ZNF385B: variants seen among roughly 807,000 people sequenced by gnomAD.
ZNF385B encodes zinc finger protein 385B.
A neutral mutation model predicts 39.2 loss-of-function variants in ZNF385B; 23 were observed. The ratio of observed to expected loss-of-function variants is 0.59; its 90% CI spans 0.42 to 0.83. The LOEUF (loss-of-function observed/expected upper bound fraction) is 0.83, where lower values mean the gene tolerates loss of function less well. Among genes scored for constraint, ZNF385B ranks in the 40% least tolerant of loss-of-function variants. The pLI, the probability that ZNF385B is intolerant of heterozygous loss-of-function variation, is 0.00. For synonymous variants in ZNF385B, 205 were observed against 222.6 expected (o/e 0.92, Z 0.70); for missense variants, 552 against 598.9 (o/e 0.92, Z 0.82).
intron 3 of ZNF385B, among the ~76,000 whole-genome samples, chr2:179,702,043 A>C (rs145108674): frequency 6.1e-4 from 93 of 152,290 alleles, no homozygotes; most frequent in Non-Finnish European, 9.6e-4. Flanking sequence ...GCTTCAAAAG[A>C]CTTTTCACGT....
chr2:179,473,740 G>A (rs1002998049), intron 6 of ZNF385B, among the ~76,000 whole-genome samples: 2 of 151,946 alleles, frequency 1.3e-5, no homozygotes, highest in South Asian at 2.1e-4. Context: ...GTGTGTTCTC[G>A]TTGTTGAACT....
At chr2:179,734,485 A>G (rs919608858) in intron 3 of ZNF385B, among the ~76,000 whole-genome samples, 2 of 152,232 alleles carry the variant, frequency 1.3e-5, no homozygotes, top group African/African-American at 4.8e-5. Context: ...CTGACAGGTA[A>G]GTAAAATAGC....
chr2:179,448,981 T>G lies in ZNF385B; in HGVS notation c.716-2211A>C, dbSNP rs1025393260. ...AACATGTATAAAATTATATATTTTC[T>G]CTATGTTCCTATTTCTTTAAGAAAA... On this transcript the variant is annotated intron_variant, in intron 6 of 9. Transcript: ENST00000410066. Among the ~76,000 whole-genome samples the G allele has an allele frequency of 5.9e-5, 9 of 152,318 alleles. No individual in the cohort carries two copies. In the East Asian group the frequency reaches 1.7e-3, roughly 29 times the overall value.
chr2:179,518,683 A>C, intron 4 of ZNF385B, 45 bp from the exon 5 acceptor site: 1 of 1,258,978 alleles, frequency 7.9e-7, no homozygotes, highest in Non-Finnish European at 1.1e-6. Flanking sequence ...CTTCAAAGAA[A>C]AGACAACAGT....
At position 179,771,978 on chromosome 2, in the gene ZNF385B, CT is replaced by C. The variant is rs149822867; in HGVS notation, c.-154-1307del. ...GCAAGATCCTTGACTCAGAGGAGAA[CT>C]GTTGACACTTTCATCTGAAAATTTA... On this transcript the variant is annotated intron_variant, in intron 1 of 9. Transcript: ENST00000410066. Among the ~76,000 whole-genome samples, 22 of 152,270 alleles carry C rather than the reference CT, an allele frequency of 1.4e-4. No homozygotes were observed. The East Asian group carries it at 4.3e-3, about 29-fold the overall frequency.
chr2:179,491,581 A>G (rs2055234318), intron 5 of ZNF385B, among the ~76,000 whole-genome samples: 1 of 152,246 alleles, frequency 6.6e-6, no homozygotes, highest in Non-Finnish European at 1.5e-5. Flanking sequence ...AACCATTATA[A>G]TTTATAAAAA....
At chr2:179,713,591 G>A (rs1700140700) in intron 3 of ZNF385B, among the ~76,000 whole-genome samples, 2 of 152,088 alleles carry the variant, frequency 1.3e-5, no homozygotes, top group African/African-American at 4.8e-5. Context: ...ATGATTATTT[G>A]ATTAATATTG....
intron 3 of ZNF385B, among the ~76,000 whole-genome samples, chr2:179,704,113 T>C (rs1699412175): frequency 6.6e-6 from 1 of 152,166 alleles, no homozygotes; most frequent in Non-Finnish European, 1.5e-5. Flanking sequence ...TTGTTACATA[T>C]AGTAGCAAAT....
intron 1 of ZNF385B, among the ~76,000 whole-genome samples, chr2:179,840,761 C>G (rs767292175): frequency 2.6e-5 from 4 of 152,208 alleles, no homozygotes; most frequent in Non-Finnish European, 5.9e-5. Context: ...AACCTGTACT[C>G]TTCTCTCTGC....
rs1239860383 is a variant in ZNF385B at position 179,446,567 on chromosome 2, C to T, written c.919G>A (p.Val307Met). Residue 307 changes from valine to methionine, a missense_variant, in exon 7 of 10, where the codon GTG (valine) becomes ATG (methionine). Coordinates refer to ENST00000410066, the MANE Select transcript of ZNF385B (RefSeq NM_152520.6). ...AGCTGTGACAGGGAGTTCACAGCCA[C>T]TTTGCATAGTGAACAATAAAGTAAT... ...KKLLYCSLCKVAVNSLSQLEA... is the reference protein window; with the variant it reads ...KKLLYCSLCKMAVNSLSQLEA... 1.2e-6 allele frequency: 2 copies of T among 1,614,108 alleles called. No homozygotes were observed. Among genetic ancestry groups the T allele is most frequent in the East Asian group, 2.2e-5 (1 of 44,862 alleles).
intron 5 of ZNF385B, among the ~76,000 whole-genome samples, chr2:179,517,512 TTCCAATGACTATG>T (rs2058175519): frequency 2.0e-5 from 3 of 149,950 alleles, no homozygotes; most frequent in Non-Finnish European, 4.5e-5. Context: ...AACATCTCTT[TTCCAATGACTATG>T]ATTTTTTATT....
chr2:179,500,017 T>C (rs1460471089), intron 5 of ZNF385B, among the ~76,000 whole-genome samples: 3 of 151,734 alleles, frequency 2.0e-5, no homozygotes, highest in African/African-American at 7.3e-5. Flanking sequence ...GAAAAAGATA[T>C]AAAAAAGTAA....
At chr2:179,705,725 C>G (rs1257193754) in intron 3 of ZNF385B, among the ~76,000 whole-genome samples, 1 of 152,208 alleles carries the variant, frequency 6.6e-6, no homozygotes, top group Non-Finnish European at 1.5e-5. Flanking sequence ...TATAACAGAT[C>G]AGAGAGCAAA....
intron 3 of ZNF385B, among the ~76,000 whole-genome samples, chr2:179,550,142 T>C (rs1018994995): frequency 1.3e-5 from 2 of 149,628 alleles, no homozygotes; most frequent in Admixed American, 6.7e-5. Flanking sequence ...TATTTTATTA[T>C]TACTATAATC....
chr2:179,736,721 G>C (rs990653302), intron 3 of ZNF385B, among the ~76,000 whole-genome samples: 1 of 152,126 alleles, frequency 6.6e-6, no homozygotes, highest in Non-Finnish European at 1.5e-5. Flanking sequence ...TGTAATCCTA[G>C]CACTTTGGAA....
intron 3 of ZNF385B, among the ~76,000 whole-genome samples, chr2:179,752,225 G>C (rs1702722797): frequency 6.6e-6 from 1 of 152,110 alleles, no homozygotes; most frequent in Admixed American, 6.6e-5. Context: ...GAGAATGATG[G>C]TTTCCAGCTT....
chr2:179,483,140 G>A (rs1008587383), intron 6 of ZNF385B, 132 bp downstream of exon 6: 2 of 986,520 alleles, frequency 2.0e-6, no homozygotes, highest in Non-Finnish European at 3.0e-6. Context: ...TCCTTCCCGT[G>A]AAGAAAACAT....
At chr2:179,653,300 C>T (rs1180340149) in intron 3 of ZNF385B, among the ~76,000 whole-genome samples, 2 of 152,160 alleles carry the variant, frequency 1.3e-5, no homozygotes, top group African/African-American at 4.8e-5. Flanking sequence ...ACTACTGCTG[C>T]ACAGAAGAAG....
At position 179,651,073 on chromosome 2, in the gene ZNF385B, A is replaced by T. The variant is rs1311770698; in HGVS notation, c.299-106104T>A. ...TTACCTTAACTGCATAATGTAAGAGACAGACATAGAATTGTTTAAATAATT... is the reference window on the plus strand; with the variant it reads ...TTACCTTAACTGCATAATGTAAGAGTCAGACATAGAATTGTTTAAATAATT... On this transcript the variant is annotated intron_variant, in intron 3 of 9. Coordinates refer to ENST00000410066, the MANE Select transcript of ZNF385B (RefSeq NM_152520.6). 2.6e-5 allele frequency among the ~76,000 whole-genome samples: 4 copies of T among 152,330 alleles called. No individual in the cohort carries two copies. The East Asian group carries it at 5.8e-4, about 22-fold the overall frequency.
Sources: gnomAD v4.1 joint callset for allele counts (sites outside exome capture counted in the v4.1 genomes callset) on GRCh38, gnomAD v4.1.1 for gene constraint, MANE v1.5 for transcripts, NCBI Gene and HGNC (gene_info 2026-07-23, HGNC 2026-07-21) for gene names.